The following RIMS2 variants were observed in gnomAD, a reference collection of about 807,000 sequenced individuals.
RIMS2 encodes regulating synaptic membrane exocytosis 2.
Under a neutral mutation model 174.4 loss-of-function variants are expected in RIMS2, and 59 were observed. The ratio of observed to expected loss-of-function variants is 0.34; its 90% CI spans 0.27 to 0.42. The LOEUF is 0.42. Ranked by LOEUF, RIMS2 falls within the 10% of genes least tolerant of loss-of-function variation. The pLI is 1.00. For synonymous variants in RIMS2, 606 were observed against 572.5 expected, an observed-to-expected ratio of 1.06 and a Z score of -0.84; for missense variants, 1,620 against 1,666.3, an observed-to-expected ratio of 0.97 and a Z score of 0.48.
intron 11 of RIMS2, among the ~76,000 whole-genome samples, chr8:103,930,942 A>G (rs2079803319): frequency 6.6e-6 from 1 of 152,106 alleles, no homozygotes; most frequent in Non-Finnish European, 1.5e-5. Flanking sequence ...TGATTCTTGC[A>G]TAAGTAAAGA....
At chr8:103,911,721 T>C (rs1205141444) in intron 5 of RIMS2, among the ~76,000 whole-genome samples, 1 of 152,202 alleles carries the variant, frequency 6.6e-6, no homozygotes, top group Non-Finnish European at 1.5e-5. Flanking sequence ...ATTTTTATTT[T>C]TCAGCATGTA....
At position 103,935,853 on chromosome 8, in the gene RIMS2, A is replaced by T. The variant is rs74450433; in HGVS notation, c.2376-698A>T. Reference sequence around the variant, plus strand: ...TATTTCCCAATATGGACAATATATTAGTATAACAGTATGGTAACACATGTA... The same window carrying T: ...TATTTCCCAATATGGACAATATATTTGTATAACAGTATGGTAACACATGTA... On this transcript the variant is annotated intron_variant, in intron 12 of 23. Transcript: ENST00000504942. 9.8e-3 allele frequency among the ~76,000 whole-genome samples: 1,499 copies of T among 152,328 alleles called. 19 individuals are homozygous for T. Among genetic ancestry groups the T allele is most frequent in the South Asian group, 0.046 (223 of 4,826 alleles).
At chr8:103,710,256 A>T (rs1028021565) in intron 2 of RIMS2, among the ~76,000 whole-genome samples, 5 of 152,164 alleles carry the variant, frequency 3.3e-5, no homozygotes, top group Non-Finnish European at 2.9e-5. Flanking sequence ...CTATTTAAAA[A>T]TTCTCTTAGT....
At chr8:104,051,515 C>T (rs555399715) in intron 19 of RIMS2, among the ~76,000 whole-genome samples, 1 of 151,428 alleles carries the variant, frequency 6.6e-6, no homozygotes, top group African/African-American at 2.4e-5. Flanking sequence ...ATATTATAGT[C>T]CAAGGTTGGG....
chr8:103,772,311 TC>T (rs2098262733), intron 3 of RIMS2, among the ~76,000 whole-genome samples: 1 of 151,924 alleles, frequency 6.6e-6, no homozygotes, highest in South Asian at 2.1e-4. Flanking sequence ...TAGAATATAG[TC>T]AATGTCTGAT....
intron 3 of RIMS2, among the ~76,000 whole-genome samples, chr8:103,834,742 T>TTCTTTCTTTCTTTCTCTCTC (rs1406395709): frequency 1.6e-4 from 18 of 109,586 alleles, no homozygotes; most frequent in African/African-American, 6.0e-4. Context: ...CTTTCTTTCT[T>TTCTTTCTTTCTTTCTCTCTC]TCTCTCTCTT....
chr8:104,170,730 T>C (rs2098827251), intron 19 of RIMS2, among the ~76,000 whole-genome samples: 1 of 151,990 alleles, frequency 6.6e-6, no homozygotes, highest in African/African-American at 2.4e-5. Flanking sequence ...TTTTTTTCAA[T>C]GTGTTATTGT....
intron 19 of RIMS2, among the ~76,000 whole-genome samples, chr8:104,110,010 T>C (rs2098149339): frequency 6.6e-6 from 1 of 152,208 alleles, no homozygotes; most frequent in South Asian, 2.1e-4. Context: ...TCAAAGAGCT[T>C]ATTTTCTAGA....
chr8:103,823,397 CAGTCAT>C (rs2098766060), intron 3 of RIMS2, among the ~76,000 whole-genome samples: 1 of 151,754 alleles, frequency 6.6e-6, no homozygotes, highest in Non-Finnish European at 1.5e-5. Flanking sequence ...TTTATGCCTG[CAGTCAT>C]CCAGTGATTA....
chr8:104,121,683 T>C (rs2098376951), intron 19 of RIMS2, among the ~76,000 whole-genome samples: 1 of 152,178 alleles, frequency 6.6e-6, no homozygotes, highest in South Asian at 2.1e-4. Flanking sequence ...AAATAATGGC[T>C]GAGCGAGGTG....
chr8:103,548,705 A>C (rs1846207841), intron 1 of RIMS2, among the ~76,000 whole-genome samples: 1 of 152,168 alleles, frequency 6.6e-6, no homozygotes. Flanking sequence ...AATGCATTTA[A>C]ATAGGAAGAG....
At chr8:104,226,344 C>T (rs72685060) in intron 19 of RIMS2, among the ~76,000 whole-genome samples, 20,512 of 151,886 alleles carry the variant, frequency 0.14, 1,847 homozygotes, top group African/African-American at 0.25. Context: ...TCAAGTATAC[C>T]CTGTCTTCCA....
chr8:104,128,818 T>A (rs2098451776), intron 19 of RIMS2, among the ~76,000 whole-genome samples: 1 of 152,220 alleles, frequency 6.6e-6, no homozygotes, highest in South Asian at 2.1e-4. Context: ...CTAGACTGAA[T>A]TTAAATTAAA....
intron 19 of RIMS2, among the ~76,000 whole-genome samples, chr8:104,114,783 A>T (rs562705733): frequency 1.3e-5 from 2 of 151,966 alleles, no homozygotes; most frequent in Non-Finnish European, 2.9e-5. Context: ...AAATATCAAT[A>T]TGCTTACAGT....
intron 3 of RIMS2, among the ~76,000 whole-genome samples, chr8:103,882,349 T>C (rs2099171230): frequency 6.6e-6 from 1 of 151,586 alleles, no homozygotes; most frequent in Admixed American, 6.6e-5. Flanking sequence ...TATGAAGTAA[T>C]TCATAATATA....
intron 3 of RIMS2, among the ~76,000 whole-genome samples, chr8:103,770,464 T>C (rs1273569532): frequency 6.6e-6 from 1 of 152,216 alleles, no homozygotes; most frequent in East Asian, 1.9e-4. Flanking sequence ...TAATCCCAGC[T>C]ACTTGGGAGG....
chr8:103,993,198 C>A (rs1168266829), intron 17 of RIMS2, among the ~76,000 whole-genome samples: 2 of 152,102 alleles, frequency 1.3e-5, no homozygotes, highest in African/African-American at 4.8e-5. Flanking sequence ...GATAATATTT[C>A]TGTAACATGT....
At chr8:103,633,806 T>C (rs534262036) in intron 1 of RIMS2, among the ~76,000 whole-genome samples, 1 of 152,312 alleles carries the variant, frequency 6.6e-6, no homozygotes, top group South Asian at 2.1e-4. Context: ...TGAGTTATTT[T>C]GTTTGTGTGC....
intron 3 of RIMS2, among the ~76,000 whole-genome samples, chr8:103,776,606 A>G (rs1564593196): frequency 6.6e-6 from 1 of 152,122 alleles, no homozygotes; most frequent in Non-Finnish European, 1.5e-5. Flanking sequence ...CAGCAGCAAG[A>G]TGCTAAAAAT....
Sources: gnomAD v4.1 joint callset for allele counts (sites outside exome capture counted in the v4.1 genomes callset) on GRCh38, gnomAD v4.1.1 for gene constraint, MANE v1.5 for transcripts, NCBI Gene and HGNC (gene_info 2026-07-23, HGNC 2026-07-21) for gene names.